The following GALNT17 variants were observed in gnomAD, a reference collection of about 807,000 sequenced individuals.
The protein encoded by GALNT17 is polypeptide N-acetylgalactosaminyltransferase 17, also known as UDP-GalNAc:polypeptide N-acetylgalactosaminyltransferase-like 3.
In GALNT17, 29 loss-of-function variants were observed where a neutral mutation model predicts 63.7. The observed-to-expected ratio is 0.46, with a 90% CI of 0.34 to 0.62. The LOEUF (loss-of-function observed/expected upper bound fraction) is 0.62, where lower values mean the gene tolerates loss of function less well. GALNT17 is among the 20% of genes least tolerant of loss of function. The probability of loss-of-function intolerance (pLI) is 0.01; values close to 1 mark genes in which losing one functional copy is unlikely to be tolerated. For missense variants in GALNT17, 603 were observed against 799.6 expected (o/e 0.75, Z 2.97); for synonymous variants, 305 against 318.3 (o/e 0.96, Z 0.45).
intron 5 of GALNT17, among the ~76,000 whole-genome samples, chr7:71,444,022 C>T (rs1190725439): frequency 1.3e-5 from 2 of 152,180 alleles, no homozygotes; most frequent in Admixed American, 6.5e-5. Flanking sequence ...GCACCCCGCT[C>T]GGCCTGAATT....
intron 1 of GALNT17, among the ~76,000 whole-genome samples, chr7:71,242,662 G>A (rs552622927): frequency 1.3e-5 from 2 of 152,132 alleles, no homozygotes; most frequent in African/African-American, 4.8e-5. Context: ...ATGTAGTTTT[G>A]AGTCAACTTG....
At chr7:71,612,981 G>A (rs1040351897) in intron 6 of GALNT17, among the ~76,000 whole-genome samples, 3 of 152,186 alleles carry the variant, frequency 2.0e-5, no homozygotes, top group African/African-American at 7.2e-5. Flanking sequence ...GGGATTCACA[G>A]CCTGAAGGTG....
intron 5 of GALNT17, among the ~76,000 whole-genome samples, chr7:71,495,967 G>T (rs545678633): frequency 3.3e-5 from 5 of 152,180 alleles, no homozygotes; most frequent in African/African-American, 1.2e-4. Flanking sequence ...GCCAAGGTTC[G>T]TGATGTCCGC....
At chr7:71,458,615 G>T (rs1254963761) in intron 5 of GALNT17, among the ~76,000 whole-genome samples, 1 of 152,180 alleles carries the variant, frequency 6.6e-6, no homozygotes, top group Non-Finnish European at 1.5e-5. Context: ...GTCACACATG[G>T]ACTTGAAGGA....
intron 5 of GALNT17, among the ~76,000 whole-genome samples, chr7:71,537,249 TGAG>T (rs1449054232): frequency 1.3e-5 from 2 of 152,204 alleles, no homozygotes; most frequent in African/African-American, 4.8e-5. Flanking sequence ...AAATGTTTAA[TGAG>T]GAGAAGTGTG....
At chr7:71,501,539 A>G (rs1045204163) in intron 5 of GALNT17, among the ~76,000 whole-genome samples, 1 of 152,148 alleles carries the variant, frequency 6.6e-6, no homozygotes, top group Non-Finnish European at 1.5e-5. Flanking sequence ...AAGTGGTGGG[A>G]TGAGAGGTGT....
At chr7:71,289,348 A>G (rs1196634795) in intron 1 of GALNT17, among the ~76,000 whole-genome samples, 3 of 152,168 alleles carry the variant, frequency 2.0e-5, no homozygotes, top group Non-Finnish European at 1.5e-5. Flanking sequence ...ACGTAAATAC[A>G]GAGATATATT....
chr7:71,344,596 G>A (rs898396884), intron 2 of GALNT17, among the ~76,000 whole-genome samples: 1 of 152,088 alleles, frequency 6.6e-6, no homozygotes, highest in Non-Finnish European at 1.5e-5. Flanking sequence ...GAAATGTGGA[G>A]AATTGAATGG....
intron 1 of GALNT17, among the ~76,000 whole-genome samples, chr7:71,170,926 T>A (rs1356250870): frequency 2.0e-5 from 3 of 152,050 alleles, no homozygotes; most frequent in Non-Finnish European, 2.9e-5. Flanking sequence ...TTTTTTTCCC[T>A]GTTTTTCATC....
chr7:71,154,618 C>T (rs868713688), intron 1 of GALNT17, among the ~76,000 whole-genome samples: 1 of 152,106 alleles, frequency 6.6e-6, no homozygotes, highest in Admixed American at 6.6e-5. Context: ...ACTCTGTCGC[C>T]CAGGCTGGAG....
intron 5 of GALNT17, among the ~76,000 whole-genome samples, chr7:71,486,597 C>A (rs560979262): frequency 4.8e-4 from 73 of 151,450 alleles, no homozygotes; most frequent in Admixed American, 1.1e-3. Flanking sequence ...TCAGGCCAGG[C>A]ATGATGGTTC....
intron 9 of GALNT17, among the ~76,000 whole-genome samples, chr7:71,684,927 A>T (rs913845982): frequency 1.4e-4 from 21 of 152,026 alleles, no homozygotes. Context: ...GGCCTCCCAG[A>T]GTGCTAGTAT....
At chr7:71,289,594 G>T (rs1457071546) in intron 1 of GALNT17, among the ~76,000 whole-genome samples, 2 of 151,256 alleles carry the variant, frequency 1.3e-5, no homozygotes, top group African/African-American at 4.9e-5. Flanking sequence ...AAATTAGCCA[G>T]ATGGACCGGG....
chr7:71,314,821 G>A (rs546382406), intron 1 of GALNT17, among the ~76,000 whole-genome samples: 2 of 152,100 alleles, frequency 1.3e-5, no homozygotes, highest in African/African-American at 4.8e-5. Flanking sequence ...TGGGAGGATC[G>A]CTTGAGCCCA....
chr7:71,287,922 C>T (rs565206877), intron 1 of GALNT17, among the ~76,000 whole-genome samples: 13 of 151,502 alleles, frequency 8.6e-5, no homozygotes, highest in Admixed American at 5.9e-4. Flanking sequence ...CGTGGTGGTG[C>T]GCACCTGTAG....
chr7:71,519,227 G>A (rs1040350056), intron 5 of GALNT17, among the ~76,000 whole-genome samples: 5 of 152,118 alleles, frequency 3.3e-5, no homozygotes, highest in Non-Finnish European at 7.3e-5. Context: ...ATTCGAGAGG[G>A]GTAGGGAGGA....
chr7:71,663,561 A>G (rs943746035), intron 6 of GALNT17, among the ~76,000 whole-genome samples: 4 of 152,206 alleles, frequency 2.6e-5, no homozygotes, highest in Non-Finnish European at 5.9e-5. Flanking sequence ...GTCCCAGATC[A>G]AAGAAGTCTG....
chr7:71,467,946 C>T (rs1374297434), intron 5 of GALNT17, among the ~76,000 whole-genome samples: 1 of 151,882 alleles, frequency 6.6e-6, no homozygotes. Flanking sequence ...AACCTCTACA[C>T]CAGCCAGGCC....
intron 5 of GALNT17, among the ~76,000 whole-genome samples, chr7:71,467,466 G>A (rs923625494): frequency 1.3e-5 from 2 of 152,150 alleles, no homozygotes; most frequent in African/African-American, 4.8e-5. Context: ...TACTTCAGGG[G>A]AGTGGGGCAA....
Sources: allele counts gnomAD v4.1 joint callset (sites outside exome capture counted in the v4.1 genomes callset), GRCh38; gene constraint gnomAD v4.1.1; transcripts MANE v1.5; gene names NCBI Gene and HGNC (gene_info 2026-07-23, HGNC 2026-07-21).